CNTN5: variants seen among roughly 807,000 people sequenced by gnomAD.
CNTN5 encodes contactin-5.
Under a neutral mutation model 129.1 loss-of-function variants are expected in CNTN5, and 77 were observed. The ratio of observed to expected loss-of-function variants is 0.60; its 90% CI spans 0.50 to 0.72. The LOEUF (loss-of-function observed/expected upper bound fraction) is 0.72, where lower values mean the gene tolerates loss of function less well. CNTN5 is among the 30% of genes least tolerant of loss of function. The pLI is 0.00. For synonymous variants in CNTN5, 509 were observed against 465.6 expected, an observed-to-expected ratio of 1.09 and a Z score of -1.20; for missense variants, 1,478 against 1,328.8, an observed-to-expected ratio of 1.11 and a Z score of -1.75.
At chr11:100,108,662 G>T (rs151111124) in intron 13 of CNTN5, among the ~76,000 whole-genome samples, 1 of 151,966 alleles carries the variant, frequency 6.6e-6, no homozygotes, top group Non-Finnish European at 1.5e-5. Flanking sequence ...CCTCATTGAT[G>T]CTGCCAGTCC....
At chr11:99,161,712 T>C (rs771591388) in intron 1 of CNTN5, among the ~76,000 whole-genome samples, 3 of 152,166 alleles carry the variant, frequency 2.0e-5, no homozygotes, top group Non-Finnish European at 4.4e-5. Context: ...GCTTCTATCA[T>C]TGGCAGCCAA....
At chr11:100,222,526 T>C in intron 15 of CNTN5, among the ~76,000 whole-genome samples, 1 of 152,040 alleles carries the variant, frequency 6.6e-6, no homozygotes, top group African/African-American at 2.4e-5. Context: ...AGACTATCAG[T>C]TATTAATTAC....
chr11:99,878,853 C>CA (rs1012002032), intron 6 of CNTN5, among the ~76,000 whole-genome samples: 7 of 151,788 alleles, frequency 4.6e-5, no homozygotes, highest in Admixed American at 1.3e-4. Flanking sequence ...GACTCCGTCT[C>CA]AAAAAAAATA....
intron 3 of CNTN5, among the ~76,000 whole-genome samples, chr11:99,782,400 G>A (rs1327609529): frequency 6.7e-6 from 1 of 149,414 alleles, no homozygotes; most frequent in Non-Finnish European, 1.5e-5. Context: ...TGGCCATACT[G>A]CCCAAGGTAA....
At chr11:100,281,887 T>C (rs1172971238) in intron 18 of CNTN5, among the ~76,000 whole-genome samples, 1 of 152,174 alleles carries the variant, frequency 6.6e-6, no homozygotes, top group East Asian at 1.9e-4. Flanking sequence ...CTTTCTCCAC[T>C]GTGTCAGTTG....
At chr11:99,869,871 A>G (rs1948456798) in intron 6 of CNTN5, among the ~76,000 whole-genome samples, 1 of 152,162 alleles carries the variant, frequency 6.6e-6, no homozygotes, top group Admixed American at 6.5e-5. Context: ...CTATTTTAAA[A>G]TGTCAAAATT....
chr11:100,299,327 G>T lies in CNTN5; in HGVS notation c.2551G>T (p.Val851Phe). The T allele has an allele frequency of 6.2e-7, 1 of 1,610,528 alleles. No individual in the cohort carries two copies. Among genetic ancestry groups the T allele is most frequent in the Non-Finnish European group, 8.5e-7 (1 of 1,177,650 alleles). Residue 851 changes from valine to phenylalanine, a missense_variant, in exon 20 of 25, where the codon GTT (valine) becomes TTT (phenylalanine). By Grantham distance (50) the Val-to-Phe change is conservative (BLOSUM62 -1). Coordinates refer to ENST00000524871, the MANE Select transcript of CNTN5 (RefSeq NM_014361.4). ...TCCTCTTACTCCCTTTGAAGTGAAAGTTGGCGTTTATAACAATAAAGGAGA... is the reference window on the plus strand; with the variant it reads ...TCCTCTTACTCCCTTTGAAGTGAAATTTGGCGTTTATAACAATAAAGGAGA... ...VPPLTPFEVK[V>F]GVYNNKGDGP...
At chr11:100,020,701 T>C (rs1176701615) in intron 9 of CNTN5, among the ~76,000 whole-genome samples, 1 of 152,080 alleles carries the variant, frequency 6.6e-6, no homozygotes, top group East Asian at 1.9e-4. Flanking sequence ...CAAAAAGCTA[T>C]TAGAACCAAT....
chr11:100,123,190 T>A (rs1229867131), intron 13 of CNTN5, among the ~76,000 whole-genome samples: 1 of 152,052 alleles, frequency 6.6e-6, no homozygotes, highest in Non-Finnish European at 1.5e-5. Context: ...ACAAAACTAA[T>A]GATTCAGCTT....
intron 21 of CNTN5, among the ~76,000 whole-genome samples, chr11:100,333,180 T>C (rs1216064843): frequency 6.6e-6 from 1 of 151,790 alleles, no homozygotes; most frequent in Non-Finnish European, 1.5e-5. Flanking sequence ...CCTTTTACAA[T>C]AGCTGAAAAA....
chr11:99,162,135 G>A (rs1043960446), intron 1 of CNTN5, among the ~76,000 whole-genome samples: 6 of 151,990 alleles, frequency 3.9e-5, no homozygotes, highest in Admixed American at 2.0e-4. Flanking sequence ...CCCTGGGAGC[G>A]TGGCATGGTT....
intron 19 of CNTN5, among the ~76,000 whole-genome samples, chr11:100,298,770 G>A (rs1366395267): frequency 6.6e-6 from 1 of 151,004 alleles, no homozygotes; most frequent in Non-Finnish European, 1.5e-5. Flanking sequence ...TCTTACTTTT[G>A]TGGTCTAAAG....
intron 2 of CNTN5, among the ~76,000 whole-genome samples, chr11:99,423,238 G>A: frequency 6.6e-6 from 1 of 152,222 alleles, no homozygotes; most frequent in South Asian, 2.1e-4. Context: ...GTTAGCTATG[G>A]TCTTTACTCA....
chr11:99,815,568 G>C lies in CNTN5; in HGVS notation c.56-3976G>C, dbSNP rs76619244. On this transcript the variant is annotated intron_variant, in intron 3 of 24. Transcript: ENST00000524871. ...CAAATAGAATGGAAATGGTAATGCA[G>C]GGGGTTCCAGACCATGTCCAGATCT... Among the ~76,000 whole-genome samples, 1,518 of 152,224 alleles carry C rather than the reference G, an allele frequency of 1.0e-2. 19 individuals are homozygous for C. Among genetic ancestry groups the C allele is most frequent in the Non-Finnish European group, 0.016 (1,068 of 68,002 alleles).
chr11:99,642,701 CCTGT>C (rs1247482055), intron 3 of CNTN5, among the ~76,000 whole-genome samples: 4 of 152,118 alleles, frequency 2.6e-5, no homozygotes, highest in Admixed American at 1.3e-4. Flanking sequence ...ACTTATTCCT[CCTGT>C]CTAACTATAA....
intron 6 of CNTN5, among the ~76,000 whole-genome samples, chr11:99,896,609 G>C (rs1007487264): frequency 3.3e-5 from 5 of 152,076 alleles, no homozygotes; most frequent in Non-Finnish European, 5.9e-5. Context: ...ATTCCTCTAA[G>C]AGCCCAGTTT....
At chr11:99,356,196 C>A (rs934121852) in intron 2 of CNTN5, among the ~76,000 whole-genome samples, 4 of 152,196 alleles carry the variant, frequency 2.6e-5, no homozygotes, top group African/African-American at 7.2e-5. Context: ...CCACCCCCCC[C>A]CAACCAAGTT....
intron 17 of CNTN5, among the ~76,000 whole-genome samples, chr11:100,268,869 T>C (rs995655981): frequency 6.6e-6 from 1 of 152,104 alleles, no homozygotes; most frequent in African/African-American, 2.4e-5. Context: ...AAGAAAGCAA[T>C]TGTCATTCCC....
chr11:99,415,236 C>A lies in CNTN5; in HGVS notation c.-71+89752C>A, dbSNP rs150383384. 1.9e-4 allele frequency among the ~76,000 whole-genome samples: 29 copies of A among 152,096 alleles called. No homozygotes were observed. The East Asian group carries it at 2.7e-3, about 14-fold the overall frequency. ...CACGTTGAACCTTCAGATTGAATAA[C>A]CTAAAGGTACATGGGAAGCCATCTG... On this transcript the variant is annotated intron_variant, in intron 2 of 24. Coordinates refer to ENST00000524871, the MANE Select transcript of CNTN5 (RefSeq NM_014361.4).
Sources: allele counts gnomAD v4.1 joint callset (sites outside exome capture counted in the v4.1 genomes callset), GRCh38; gene constraint gnomAD v4.1.1; transcripts MANE v1.5; gene names NCBI Gene and HGNC (gene_info 2026-07-23, HGNC 2026-07-21).